The following POC1B variants were observed in gnomAD, a reference collection of about 807,000 sequenced individuals.
POC1B encodes POC1 centriolar protein homolog B.
In POC1B, 44 loss-of-function variants were observed where a neutral mutation model predicts 60.6. The ratio of observed to expected loss-of-function variants is 0.73; its 90% CI spans 0.57 to 0.93. The LOEUF (loss-of-function observed/expected upper bound fraction) is 0.93. Ranked by LOEUF, POC1B falls within the 40% of genes least tolerant of loss-of-function variation. The pLI is 0.00. For missense variants in POC1B, 555 were observed against 572.3 expected (o/e 0.97, Z 0.31); for synonymous variants, 180 against 198.9 (o/e 0.90, Z 0.80).
rs1211989254 is a variant in POC1B, at chr12:89,420,949, T to A, written c.*204A>T. 1 of 427,718 alleles carries A rather than the reference T, an allele frequency of 2.3e-6. No individual in the cohort carries two copies. The highest frequency in any genetic ancestry group is 4.2e-6 in the Non-Finnish European group (1 of 239,824). 26.5% of individuals were successfully genotyped at this position (427,718 alleles called of 1,614,324 possible). On this transcript the variant is annotated 3_prime_UTR_variant, in exon 12 of 12. Coordinates refer to ENST00000313546, the MANE Select transcript of POC1B (RefSeq NM_172240.3). ...AATCATAAATGATAGTAATTTAAAT[T>A]AGTCCTTCACATTGATATGTGTTTA...
At chr12:89,517,252 T>C (rs1187467103) in intron 2 of POC1B, among the ~76,000 whole-genome samples, 5 of 152,222 alleles carry the variant, frequency 3.3e-5, no homozygotes, top group Non-Finnish European at 5.9e-5. Context: ...CTTCTCCTTC[T>C]GGTCTTCAGT....
intron 4 of POC1B, among the ~76,000 whole-genome samples, chr12:89,480,232 G>T (rs1592615763): frequency 6.6e-6 from 1 of 151,820 alleles, no homozygotes; most frequent in African/African-American, 2.4e-5. Context: ...GGCCTCCCAG[G>T]CTCAGGTGAT....
the POC1B span, among the ~76,000 whole-genome samples, chr12:89,412,858 CCCTCCCTTCCTT>C: frequency 6.1e-5 from 7 of 114,998 alleles, no homozygotes; most frequent in South Asian, 9.0e-4. Flanking sequence ...TTTCCTTCCT[CCCTCCCTTCCTT>C]CCTCCCTTCC....
chr12:89,471,431 T>G (rs1882888099), intron 6 of POC1B, among the ~76,000 whole-genome samples, 183 bp downstream of exon 6: 1 of 152,164 alleles, frequency 6.6e-6, no homozygotes, highest in Admixed American at 6.5e-5. Context: ...GTCTCTTCAC[T>G]TCCTGCTGTC....
At chr12:89,446,150 T>C (rs1423423829) in intron 10 of POC1B, among the ~76,000 whole-genome samples, 2 of 152,222 alleles carry the variant, frequency 1.3e-5, no homozygotes, top group East Asian at 1.9e-4. Flanking sequence ...TTTTACACTG[T>C]TGGTGGGACT....
At chr12:89,460,247 C>T (rs2120807163) in intron 9 of POC1B, among the ~76,000 whole-genome samples, 1 of 152,018 alleles carries the variant, frequency 6.6e-6, no homozygotes, top group South Asian at 2.1e-4. Flanking sequence ...TTTTAAAGGA[C>T]ACCATTTACA....
chr12:89,449,056 G>A (rs897499228), intron 10 of POC1B, among the ~76,000 whole-genome samples: 1 of 152,154 alleles, frequency 6.6e-6, no homozygotes, highest in Non-Finnish European at 1.5e-5. Context: ...ATTTACTTAA[G>A]TTAAATCATA....
At chr12:89,499,995 T>C in intron 2 of POC1B, 1 of 838,638 alleles carries the variant, frequency 1.2e-6, no homozygotes, top group South Asian at 1.5e-5. Context: ...GGCCGCCGCC[T>C]GGTAGTCCGG....
chr12:89,430,962 A>G (rs2120676524), intron 10 of POC1B, among the ~76,000 whole-genome samples: 1 of 152,292 alleles, frequency 6.6e-6, no homozygotes, highest in Admixed American at 6.5e-5. Flanking sequence ...AAAAATTACA[A>G]TCTTAAATGC....
intron 10 of POC1B, among the ~76,000 whole-genome samples, chr12:89,456,841 C>T (rs1032480933): frequency 2.6e-5 from 4 of 151,926 alleles, no homozygotes; most frequent in East Asian, 1.9e-4. Flanking sequence ...CAGTACACTT[C>T]GATCTACAAA....
At chr12:89,480,621 A>T (rs1883292628) in intron 4 of POC1B, among the ~76,000 whole-genome samples, 2 of 68,172 alleles carry the variant, frequency 2.9e-5, no homozygotes, top group Non-Finnish European at 5.4e-5. Context: ...TTTTTTTTTG[A>T]GACGGAGTCT....
chr12:89,452,461 G>A (rs1438101517), intron 10 of POC1B, among the ~76,000 whole-genome samples: 1 of 150,702 alleles, frequency 6.6e-6, no homozygotes, highest in East Asian at 1.9e-4. Flanking sequence ...CCCAAATCAC[G>A]TTTGTCAATA....
chr12:89,402,381 AT>A, the POC1B span, among the ~76,000 whole-genome samples: 13 of 150,590 alleles, frequency 8.6e-5, no homozygotes, highest in South Asian at 2.3e-3. Context: ...CCCTTTAAAA[AT>A]TTTTTTTTAG....
At chr12:89,416,714 T>A (rs184328085), downstream of POC1B, among the ~76,000 whole-genome samples, 661 of 152,306 alleles carry the variant, frequency 4.3e-3, 2 homozygotes, top group Non-Finnish European at 7.2e-3. Flanking sequence ...TCTGATTTCT[T>A]AAGACAAGCC....
chr12:89,483,864 A>G (rs550006426), intron 4 of POC1B, among the ~76,000 whole-genome samples: 5 of 152,226 alleles, frequency 3.3e-5, no homozygotes, highest in Non-Finnish European at 5.9e-5. Flanking sequence ...ACTTGGATCT[A>G]CACAAATGAA....
chr12:89,514,704 G>A (rs1335848359), intron 2 of POC1B, among the ~76,000 whole-genome samples: 2 of 151,644 alleles, frequency 1.3e-5, no homozygotes, highest in Non-Finnish European at 2.9e-5. Context: ...CACTGCGCCC[G>A]GCCTCAGGTA....
chr12:89,464,186 T>C (rs933515255), intron 9 of POC1B, among the ~76,000 whole-genome samples: 6 of 152,186 alleles, frequency 3.9e-5, no homozygotes, highest in Non-Finnish European at 7.3e-5. Context: ...TTAAAATATT[T>C]CCCAAGTAAC....
chr12:89,452,324 G>A (rs894149834), intron 10 of POC1B, among the ~76,000 whole-genome samples: 2 of 152,034 alleles, frequency 1.3e-5, no homozygotes, highest in Non-Finnish European at 2.9e-5. Flanking sequence ...TCCCAGAAAC[G>A]TGCTAATTTT....
Position 89,497,258 on chromosome 12 carries a change from A to G in POC1B, c.185T>C (p.Val62Ala). ...TGGAGAAAACTGCACGCTGGTTACA[A>G]CATCCTTGTGACCCACATATCTGTA... ...RAYRYVGHKD[V>A]VTSVQFSPHG... Residue 62 changes from valine (V) to alanine (A), a missense_variant, in exon 3 of 12, where the codon GTT (valine) becomes GCT (alanine). Transcript: ENST00000313546. 6.2e-7 allele frequency: 1 copy of G among 1,613,636 alleles called. No homozygotes were observed. Among genetic ancestry groups the G allele is most frequent in the Non-Finnish European group, 8.5e-7 (1 of 1,180,008 alleles).
Sources: gnomAD v4.1 joint callset for allele counts (sites outside exome capture counted in the v4.1 genomes callset) on GRCh38, gnomAD v4.1.1 for gene constraint, MANE v1.5 for transcripts, NCBI Gene and HGNC (gene_info 2026-07-23, HGNC 2026-07-21) for gene names.